TDRP: variants seen among roughly 807,000 people sequenced by gnomAD.
The protein encoded by TDRP is testis development-related protein.
A neutral mutation model predicts 10.5 loss-of-function variants in TDRP; 12 were observed. The ratio of observed to expected loss-of-function variants is 1.15; its 90% CI spans 0.73 to 1.86. The LOEUF (loss-of-function observed/expected upper bound fraction) is 1.86, where lower values mean the gene tolerates loss of function less well. Among genes scored for constraint, TDRP ranks in the 40% most tolerant of loss-of-function variants. TDRP has a pLI of 0.00. For missense variants in TDRP, 353 were observed against 229.2 expected (o/e 1.54, Z -3.49); for synonymous variants, 139 against 95.4 (o/e 1.46, Z -2.67).
intron 1 of TDRP, among the ~76,000 whole-genome samples, chr8:516,082 G>GAAT (rs917197691): frequency 1.3e-5 from 2 of 152,150 alleles, no homozygotes; most frequent in African/African-American, 4.8e-5. Flanking sequence ...CTGAATGCCT[G>GAAT]AATGGATGGC....
chr8:503,786 G>A (rs889747778), intron 1 of TDRP, among the ~76,000 whole-genome samples: 15 of 143,434 alleles, frequency 1.0e-4, no homozygotes, highest in African/African-American at 3.0e-4. Context: ...CCACACACTG[G>A]AACCCATGCC....
chr8:504,893 C>G (rs1054562720), intron 1 of TDRP, among the ~76,000 whole-genome samples: 1 of 152,078 alleles, frequency 6.6e-6, no homozygotes, highest in Non-Finnish European at 1.5e-5. Flanking sequence ...AATCATTTCT[C>G]ATTCTGAAAA....
At chr8:525,990 T>C (rs912344435) in intron 1 of TDRP, among the ~76,000 whole-genome samples, 10 of 152,226 alleles carry the variant, frequency 6.6e-5, no homozygotes, top group African/African-American at 2.4e-4. Flanking sequence ...GTTATTGGTC[T>C]GTTCAGGTTT....
chr8:514,389 A>C (rs1351907168), intron 1 of TDRP, among the ~76,000 whole-genome samples: 1 of 152,232 alleles, frequency 6.6e-6, no homozygotes, highest in Non-Finnish European at 1.5e-5. Flanking sequence ...GCTGTGTGAC[A>C]ACTGGAAAGC....
At chr8:512,440 TA>T (rs889455711) in intron 1 of TDRP, among the ~76,000 whole-genome samples, 8 of 148,318 alleles carry the variant, frequency 5.4e-5, no homozygotes, top group African/African-American at 1.0e-4. Flanking sequence ...TCAACAACAA[TA>T]AAAAAAAATC....
intron 1 of TDRP, among the ~76,000 whole-genome samples, chr8:527,550 A>C (rs1465148115): frequency 6.6e-6 from 1 of 152,206 alleles, no homozygotes; most frequent in South Asian, 2.1e-4. Context: ...GAACTGGCAC[A>C]AAAAGACACA....
chr8:500,717 C>G (rs1276326075), intron 1 of TDRP, among the ~76,000 whole-genome samples: 3 of 152,210 alleles, frequency 2.0e-5, no homozygotes, highest in African/African-American at 7.2e-5. Flanking sequence ...ACAGGAAGGG[C>G]AGGTGTATCG....
chr8:511,356 T>A (rs7840988), intron 1 of TDRP, among the ~76,000 whole-genome samples: 2,664 of 152,074 alleles, frequency 0.018, 74 homozygotes, highest in African/African-American at 0.059. Flanking sequence ...GTTTAAAAAA[T>A]TTTTTTTAAT....
rs137900081 is a variant in TDRP, at chr8:497,046, G to C, written c.109-2449C>G. ...ATGCAGTCTCAGGTAGTTCTTTATA[G>C]CAGTGTGAAAACAGACTAACACAGA... On this transcript the variant is annotated intron_variant, in intron 1 of 2. Transcript: ENST00000324079. 3.0e-3 allele frequency among the ~76,000 whole-genome samples: 460 copies of C among 152,280 alleles called. 24 individuals are homozygous for C. In the East Asian group the frequency reaches 0.069, roughly 23 times the overall value.
intron 1 of TDRP, among the ~76,000 whole-genome samples, chr8:519,664 G>A (rs557885736): frequency 6.6e-6 from 1 of 152,072 alleles, no homozygotes; most frequent in East Asian, 1.9e-4. Flanking sequence ...CTCACTGCTT[G>A]TAAAAAGAAC....
At chr8:516,260 TA>T (rs1584868640) in intron 1 of TDRP, among the ~76,000 whole-genome samples, 2 of 152,146 alleles carry the variant, frequency 1.3e-5, no homozygotes, top group East Asian at 3.9e-4. Context: ...CTACTATCAC[TA>T]TTGGGACTAT....
At chr8:503,607 C>A (rs1301444240) in intron 1 of TDRP, among the ~76,000 whole-genome samples, 1 of 147,938 alleles carries the variant, frequency 6.8e-6, no homozygotes, top group African/African-American at 2.6e-5. Context: ...GTACCCACCT[C>A]AGCACGCACC....
At chr8:543,710 G>C (rs749650355) in intron 1 of TDRP, among the ~76,000 whole-genome samples, 3 of 152,092 alleles carry the variant, frequency 2.0e-5, no homozygotes, top group Admixed American at 6.5e-5. Flanking sequence ...CTATCAAGAA[G>C]AAACAACTCC....
At chr8:495,392 T>G (rs1285666318) in intron 1 of TDRP, among the ~76,000 whole-genome samples, 1 of 152,238 alleles carries the variant, frequency 6.6e-6, no homozygotes, top group African/African-American at 2.4e-5. Flanking sequence ...ACAGTGACCC[T>G]TGCCCTAACT....
rs552702581 is a variant in TDRP at position 521,736 on chromosome 8, T to G, written c.108+22914A>C. Among the ~76,000 whole-genome samples, 3 of 152,322 alleles carry G rather than the reference T, an allele frequency of 2.0e-5. No individual in the cohort carries two copies. In the South Asian group the frequency reaches 6.2e-4, roughly 32 times the overall value. ...TTTAGCTATTCAGGTCATTTGAGAT[T>G]CTATATGAACTTTAGAATTTCTTTT... is the stretch of plus-strand genomic sequence containing the variant. On this transcript the variant is annotated intron_variant, in intron 1 of 2. Transcript: ENST00000324079.
At chr8:543,183 G>A (rs1563135399) in intron 1 of TDRP, among the ~76,000 whole-genome samples, 2 of 151,984 alleles carry the variant, frequency 1.3e-5, no homozygotes, top group African/African-American at 4.8e-5. Flanking sequence ...GAGGTGGTGC[G>A]CACTTGTAGT....
intron 1 of TDRP, among the ~76,000 whole-genome samples, chr8:508,093 A>C (rs2116766636): frequency 6.6e-6 from 1 of 152,294 alleles, no homozygotes; most frequent in Non-Finnish European, 1.5e-5. Flanking sequence ...ACAAAGCTAA[A>C]GGAAAGTATG....
chr8:509,202 C>T (rs538042040), intron 1 of TDRP, among the ~76,000 whole-genome samples: 2 of 152,278 alleles, frequency 1.3e-5, no homozygotes, highest in South Asian at 2.1e-4. Context: ...TGCAAACTGT[C>T]GGTGGATCTA....
intron 1 of TDRP, among the ~76,000 whole-genome samples, chr8:513,745 T>C (rs1446905519): frequency 6.6e-6 from 1 of 152,182 alleles, no homozygotes; most frequent in Non-Finnish European, 1.5e-5. Flanking sequence ...GCATACAAAA[T>C]ATGAAGTAGT....
Sources: allele counts gnomAD v4.1 joint callset (sites outside exome capture counted in the v4.1 genomes callset), GRCh38; gene constraint gnomAD v4.1.1; transcripts MANE v1.5; gene names NCBI Gene and HGNC (gene_info 2026-07-23, HGNC 2026-07-21).